PCNT: variants seen among roughly 807,000 people sequenced by gnomAD.
PCNT encodes pericentrin, also known as kendrin.
In PCNT, 319 loss-of-function variants were observed where a neutral mutation model predicts 380.4. That is an observed-to-expected ratio of 0.84 (90% CI 0.77 to 0.92). PCNT has a LOEUF of 0.92. Ranked by LOEUF, PCNT falls within the 40% of genes least tolerant of loss-of-function variation. The probability of loss-of-function intolerance (pLI) is 0.00; values close to 1 mark genes in which losing one functional copy is unlikely to be tolerated. For missense variants in PCNT, 4,400 were observed against 4,255.3 expected (o/e 1.03, Z -0.95); for synonymous variants, 1,845 against 1,735.2 (o/e 1.06, Z -1.57).
intron 29 of PCNT, among the ~76,000 whole-genome samples, chr21:46,414,884 C>T (rs1344742232): frequency 1.3e-5 from 2 of 152,140 alleles, no homozygotes; most frequent in Non-Finnish European, 2.9e-5. Context: ...ACACAGCCAC[C>T]CACCCTGCTC....
chr21:46,405,382 A>G (rs2086592873), intron 27 of PCNT, among the ~76,000 whole-genome samples: 2 of 152,260 alleles, frequency 1.3e-5, no homozygotes, highest in African/African-American at 2.4e-5. Context: ...ATTTAAAAAT[A>G]GCCTTTTGGG....
In PCNT at chr21:46,366,698, C is replaced by G. The variant is rs746750267; in HGVS notation, c.2724C>G (p.His908Gln). ...ARELQLLQER[H>Q]QQQLLSVTAE... ...AGCTGCAGCTCCTCCAGGAGAGACA[C>G]CAGCAGCAGCTCCTGTCAGTGACGG... Residue 908 changes from histidine (H) to glutamine (Q), a missense_variant, in exon 15 of 47, where the codon CAC becomes CAG. His to Gln is a conservative substitution (Grantham distance 24). Coordinates refer to ENST00000359568, the MANE Select transcript of PCNT (RefSeq NM_006031.6). 7 of 1,613,810 alleles carry G rather than the reference C, an allele frequency of 4.3e-6. No individual in the cohort carries two copies. The East Asian group carries it at 1.1e-4, about 26-fold the overall frequency.
At chr21:46,325,363 A>C (rs1241192888) in intron 1 of PCNT, among the ~76,000 whole-genome samples, 1 of 152,170 alleles carries the variant, frequency 6.6e-6, no homozygotes, top group African/African-American at 2.4e-5. Flanking sequence ...GGGAGCTGCG[A>C]ACAGGAGCAG....
chr21:46,340,938 C>T (rs914514936), intron 3 of PCNT, among the ~76,000 whole-genome samples: 2 of 150,938 alleles, frequency 1.3e-5, no homozygotes, highest in Non-Finnish European at 3.0e-5. Context: ...GGCTGGAGTG[C>T]AGTGGTGCCA....
At chr21:46,436,226 G>A in intron 39 of PCNT, 78 bp downstream of exon 39, 1 of 1,544,982 alleles carries the variant, frequency 6.5e-7, no homozygotes, top group East Asian at 2.3e-5. Context: ...GAGGGCTGGG[G>A]CGCGTCTGGT....
rs761288987 is a variant in PCNT, at chr21:46,432,102, C to G, written c.8638C>G (p.Pro2880Ala). 3.7e-6 allele frequency: 6 copies of G among 1,614,054 alleles called. No homozygotes were observed. In the East Asian group the frequency reaches 8.9e-5, roughly 24 times the overall value. The change falls in exon 38 of 47, where the codon CCA (proline) becomes GCA (alanine). Residue 2880 changes from proline to alanine, a missense_variant. Transcript: ENST00000359568. ...GCAGGCAGAATTAGAGCAGTCACAC[C>G]CACGGTTGAAAGAGCAAGAAGGACG... The part of the protein sequence containing the change: ...WLQAELEQSH[P>A]RLKEQEGRKA...
chr21:46,411,674 A>G lies in PCNT; in HGVS notation c.5601A>G (p.Glu1867=), dbSNP rs2086789189. The stretch of plus-strand genomic sequence containing the variant: ...TCGAAGCGGCCCTGAAAGCAAAGGA[A>G]GCGACGATTGCCGAGAGAAATTTAG... ...QEFEAALKAK[E]ATIAERNLEI... The change falls in exon 28 of 47, where the codon GAA becomes GAG. Residue 1867 remains glutamate (E), a synonymous_variant. Coordinates refer to ENST00000359568, the MANE Select transcript of PCNT (RefSeq NM_006031.6). The G allele has an allele frequency of 5.6e-6, 9 of 1,612,992 alleles. No homozygotes were observed. Among genetic ancestry groups the G allele is most frequent in the Non-Finnish European group, 7.6e-6 (9 of 1,179,882 alleles).
intron 15 of PCNT, among the ~76,000 whole-genome samples, chr21:46,375,909 G>A (rs946702076): frequency 1.3e-5 from 2 of 152,258 alleles, no homozygotes; most frequent in East Asian, 1.9e-4. Context: ...GTGCGAGGCG[G>A]TACCTGCGGG....
At position 46,411,865 on chromosome 21, in the gene PCNT, G is replaced by A. The variant is rs776640595; in HGVS notation, c.5792G>A (p.Arg1931His). 54 of 1,564,126 alleles carry A rather than the reference G, an allele frequency of 3.5e-5. No homozygotes were observed. The highest frequency in any genetic ancestry group is 2.8e-4 in the East Asian group (12 of 42,742). The change falls in exon 28 of 47, where the codon CGC (arginine) becomes CAC (histidine). Residue 1931 changes from arginine to histidine, a missense_variant. Arg to His is a conservative substitution (Grantham distance 29). Transcript: ENST00000359568. The stretch of plus-strand genomic sequence containing the variant: ...CGAGCGCAGTGTGCCCGCCTCAGCC[G>A]CCAGCTGCAGGTGCTGCACCAGCGG... The part of the protein sequence containing the change: ...WLRAQCARLS[R>H]QLQVLHQRFL...
At position 46,443,908 on chromosome 21, in the gene PCNT, C is replaced by A; in HGVS notation, c.9799C>A (p.Arg3267Ser). Residue 3267 changes from arginine to serine, a missense_variant, in exon 45 of 47, where the codon CGC becomes AGC. Coordinates refer to ENST00000359568, the MANE Select transcript of PCNT (RefSeq NM_006031.6). ...CCACACCAGGGACCCTGCCAGAGGC[C>A]GCAGACTGGCAGCAGCAGCCTCCCC... The part of the protein sequence containing the change: ...SGHTRDPARG[R>S]RLAAAASPHS... The A allele has an allele frequency of 6.2e-7, 1 of 1,612,690 alleles. No individual in the cohort carries two copies.
rs188211521 is a variant in PCNT at position 46,390,613 on chromosome 21, A to T, written c.3841-57A>T. 67 of 1,585,582 alleles carry T rather than the reference A, an allele frequency of 4.2e-5. No homozygotes were observed. The East Asian group carries it at 1.4e-3, about 33-fold the overall frequency. ...TAGAAGTGGCGTTCTCTTGGTCTTA[A>T]TGTAGGCTTCAGTTATTTTTGATCT... On this transcript the variant is annotated intron_variant, in intron 19 of 46. Transcript: ENST00000359568.
intron 14 of PCNT, among the ~76,000 whole-genome samples, chr21:46,364,871 C>G (rs1262421334): frequency 6.6e-6 from 1 of 152,218 alleles, no homozygotes; most frequent in African/African-American, 2.4e-5. Context: ...ACATGCAGTT[C>G]GTGGTAGAGC....
intron 25 of PCNT, 135 bp from the exon 26 acceptor site, chr21:46,401,416 C>T (rs2086423008): frequency 1.4e-6 from 1 of 737,076 alleles, no homozygotes; most frequent in African/African-American, 1.7e-5. Context: ...TGGTGTGTCA[C>T]TGAGTGCAGG....
chr21:46,356,118 G>A (rs1397073958), intron 12 of PCNT, among the ~76,000 whole-genome samples: 7 of 152,210 alleles, frequency 4.6e-5, no homozygotes, highest in Non-Finnish European at 8.8e-5. Flanking sequence ...CCAGAGTCGC[G>A]GTCCCATGGC....
chr21:46,384,835 G>T (rs990532689), intron 16 of PCNT, among the ~76,000 whole-genome samples: 1 of 152,162 alleles, frequency 6.6e-6, no homozygotes, highest in African/African-American at 2.4e-5. Context: ...GCGCATTCAC[G>T]GTGTTGTGCG....
rs1259571497 is a variant in PCNT, at chr21:46,432,808, G to C, written c.8751+593G>C. Among the ~76,000 whole-genome samples the C allele has an allele frequency of 2.0e-5, 3 of 152,084 alleles. No homozygotes were observed. The East Asian group carries it at 5.8e-4, about 30-fold the overall frequency. On this transcript the variant is annotated intron_variant, in intron 38 of 46. Coordinates refer to ENST00000359568, the MANE Select transcript of PCNT (RefSeq NM_006031.6). ...CCTGGCTAATTTTTGGATTAGTAGA[G>C]ACAGGGTTTTCCATGTTGGCCAGGC...
At chr21:46,373,364 T>C (rs1366789967) in intron 15 of PCNT, among the ~76,000 whole-genome samples, 1 of 151,726 alleles carries the variant, frequency 6.6e-6, no homozygotes, top group Non-Finnish European at 1.5e-5. Context: ...TTTTTGTAGT[T>C]GAGGTACAGG....
intron 27 of PCNT, among the ~76,000 whole-genome samples, chr21:46,405,694 C>CA (rs1057504544): frequency 1.4e-4 from 21 of 145,512 alleles, no homozygotes; most frequent in Admixed American, 3.4e-4. Flanking sequence ...AGACTCGTCT[C>CA]AAAAAAAAAA....
chr21:46,354,415 G>C (rs2839220), intron 11 of PCNT, among the ~76,000 whole-genome samples: 26,881 of 152,188 alleles, frequency 0.18, 2,844 homozygotes, highest in East Asian at 0.44. Flanking sequence ...CACACGGAGC[G>C]TCTGCTGGCT....
Sources: allele counts gnomAD v4.1 joint callset (sites outside exome capture counted in the v4.1 genomes callset), GRCh38; gene constraint gnomAD v4.1.1; transcripts MANE v1.5; gene names NCBI Gene and HGNC (gene_info 2026-07-23, HGNC 2026-07-21).